NT5C3A: variants seen among roughly 807,000 people sequenced by gnomAD.
NT5C3A encodes cytosolic 5'-nucleotidase 3A.
NT5C3A carries 23 observed loss-of-function variants against 40.0 expected under a neutral mutation model. The ratio of observed to expected loss-of-function variants is 0.58; its 90% CI spans 0.41 to 0.81. NT5C3A has a LOEUF of 0.81. NT5C3A is among the 40% of genes least tolerant of loss of function. The pLI is 0.00. For missense variants in NT5C3A, 328 were observed against 403.0 expected (o/e 0.81, Z 1.59); for synonymous variants, 130 against 141.4 (o/e 0.92, Z 0.57).
intron 1 of NT5C3A, among the ~76,000 whole-genome samples, chr7:33,050,204 C>T (rs912563793): frequency 6.6e-6 from 1 of 152,110 alleles, no homozygotes; most frequent in Non-Finnish European, 1.5e-5. Flanking sequence ...ACTTGGTCAA[C>T]GTAGGCACCT....
chr7:33,024,610 A>G (rs1347828881), intron 2 of NT5C3A, among the ~76,000 whole-genome samples: 1 of 152,202 alleles, frequency 6.6e-6, no homozygotes, highest in African/African-American at 2.4e-5. Context: ...AAATACTGTT[A>G]GAAGGAATAA....
intron 1 of NT5C3A, among the ~76,000 whole-genome samples, chr7:33,027,835 T>C (rs1195050879): frequency 6.6e-6 from 1 of 152,198 alleles, no homozygotes; most frequent in East Asian, 1.9e-4. Flanking sequence ...CATATCCCTC[T>C]GAAACATGCA....
At chr7:33,017,648 T>C in intron 6 of NT5C3A, 47 bp from the exon 7 acceptor site, 1 of 1,467,796 alleles carries the variant, frequency 6.8e-7, no homozygotes, top group Non-Finnish European at 9.6e-7. Context: ...CAAGATATAG[T>C]TCCTTTTTAC....
chr7:33,048,568 T>C (rs1787246593), intron 1 of NT5C3A, among the ~76,000 whole-genome samples: 3 of 152,296 alleles, frequency 2.0e-5, no homozygotes, highest in South Asian at 2.1e-4. Context: ...GTAAAACATA[T>C]ATGAAAGCTT....
intron 1 of NT5C3A, among the ~76,000 whole-genome samples, chr7:33,055,656 G>C: frequency 6.6e-6 from 1 of 152,156 alleles, no homozygotes; most frequent in East Asian, 1.9e-4. Context: ...GAAAAGACAA[G>C]GGAAATGTCA....
At chr7:33,038,180 G>C (rs182339505) in intron 1 of NT5C3A, among the ~76,000 whole-genome samples, 1 of 151,668 alleles carries the variant, frequency 6.6e-6, no homozygotes, top group Admixed American at 6.6e-5. Flanking sequence ...TGTGGAGACT[G>C]TGGAAAAGTA....
chr7:33,051,383 C>T (rs1395296248), intron 1 of NT5C3A, among the ~76,000 whole-genome samples: 3 of 152,126 alleles, frequency 2.0e-5, no homozygotes, highest in South Asian at 2.1e-4. Flanking sequence ...AGGGTGGTCT[C>T]GAACTCCTGA....
At chr7:33,051,854 G>T (rs1787380855) in intron 1 of NT5C3A, among the ~76,000 whole-genome samples, 1 of 152,134 alleles carries the variant, frequency 6.6e-6, no homozygotes, top group Non-Finnish European at 1.5e-5. Flanking sequence ...TACTAATAGA[G>T]ATGTTCTACA....
At chr7:33,047,258 A>T (rs1787193031) in intron 1 of NT5C3A, among the ~76,000 whole-genome samples, 2 of 152,178 alleles carry the variant, frequency 1.3e-5, no homozygotes. Context: ...AGGTAATGCA[A>T]TTTAAGCTTT....
At chr7:33,041,720 TC>T (rs1786922470) in intron 1 of NT5C3A, among the ~76,000 whole-genome samples, 1 of 152,030 alleles carries the variant, frequency 6.6e-6, no homozygotes, top group Non-Finnish European at 1.5e-5. Context: ...ATAAGAGCAG[TC>T]CAACTGTCAT....
chr7:33,042,107 C>T (rs1387955165), intron 1 of NT5C3A, among the ~76,000 whole-genome samples: 4 of 152,150 alleles, frequency 2.6e-5, no homozygotes, highest in Admixed American at 6.5e-5. Context: ...GAAGCCTAGG[C>T]GGGTGGATCA....
At chr7:33,053,926 T>G (rs1787469424) in intron 1 of NT5C3A, among the ~76,000 whole-genome samples, 1 of 152,168 alleles carries the variant, frequency 6.6e-6, no homozygotes, top group Admixed American at 6.6e-5. Context: ...GTGGTTAACT[T>G]GTGGCATATG....
At chr7:33,020,718 A>G (rs1562587260) in intron 5 of NT5C3A, among the ~76,000 whole-genome samples, 2 of 151,966 alleles carry the variant, frequency 1.3e-5, no homozygotes, top group Non-Finnish European at 2.9e-5. Flanking sequence ...GGAAGGCTCA[A>G]ATTCCTCTGA....
intron 1 of NT5C3A, among the ~76,000 whole-genome samples, chr7:33,033,838 G>A (rs1315985332): frequency 6.7e-6 from 1 of 148,776 alleles, no homozygotes; most frequent in African/African-American, 2.5e-5. Flanking sequence ...TTCATGAGAA[G>A]TAAAGAATAA....
chr7:33,043,715 G>A (rs962654506), intron 1 of NT5C3A, among the ~76,000 whole-genome samples: 1 of 152,104 alleles, frequency 6.6e-6, no homozygotes, highest in African/African-American at 2.4e-5. Flanking sequence ...TATGGATGTC[G>A]CTTCCTGTCC....
In NT5C3A at chr7:33,015,844, T is replaced by C; in HGVS notation, c.720A>G (p.Glu240=). Residue 240 remains glutamate (E), a synonymous_variant, in exon 8 of 9, where the codon GAA becomes GAG. Coordinates refer to ENST00000610140, the MANE Select transcript of NT5C3A (RefSeq NM_001002010.5). Reference sequence around the variant, plus strand: ...CATGTTTGTTAAATACATGAATTAGTTCTCCTTTAAATCCTTTGAGCACCC... The same window carrying C: ...CATGTTTGTTAAATACATGAATTAGCTCTCCTTTAAATCCTTTGAGCACCC... ...ETGVLKGFKG[E]LIHVFNKHDG... is the part of the protein sequence containing the mutation. The C allele has an allele frequency of 6.2e-7, 1 of 1,609,932 alleles. No individual in the cohort carries two copies. Among genetic ancestry groups the C allele is most frequent in the Non-Finnish European group, 8.5e-7 (1 of 1,176,190 alleles).
At chr7:33,025,952 G>A (rs759255491) in intron 2 of NT5C3A, among the ~76,000 whole-genome samples, 5 of 152,296 alleles carry the variant, frequency 3.3e-5, no homozygotes, top group East Asian at 1.9e-4. Flanking sequence ...TTGGGAGGCC[G>A]AGGTGGATGG....
At chr7:33,055,100 G>A (rs532184874) in intron 1 of NT5C3A, among the ~76,000 whole-genome samples, 19 of 152,258 alleles carry the variant, frequency 1.2e-4, no homozygotes, top group South Asian at 4.2e-4. Flanking sequence ...CAAGGCGGGC[G>A]GATCACCTGA....
chr7:33,018,501 AC>A (rs1785458345), intron 6 of NT5C3A, among the ~76,000 whole-genome samples: 1 of 152,224 alleles, frequency 6.6e-6, no homozygotes, highest in African/African-American at 2.4e-5. Flanking sequence ...TAAAAAAGTA[AC>A]ATCATCATAT....
Sources: gnomAD v4.1 joint callset for allele counts (sites outside exome capture counted in the v4.1 genomes callset) on GRCh38, gnomAD v4.1.1 for gene constraint, MANE v1.5 for transcripts, NCBI Gene and HGNC (gene_info 2026-07-23, HGNC 2026-07-21) for gene names.